NFIA: variants seen among roughly 807,000 people sequenced by gnomAD.
NFIA encodes the protein nuclear factor I A, also known as nuclear factor 1 A-type.
In NFIA, 8 loss-of-function variants were observed where a neutral mutation model predicts 62.8. That is an observed-to-expected ratio of 0.13 (90% CI 0.07 to 0.23). The LOEUF (loss-of-function observed/expected upper bound fraction) is 0.23, where lower values mean the gene tolerates loss of function less well. Ranked by LOEUF, NFIA falls within the 10% of genes least tolerant of loss-of-function variation. The pLI is 1.00. For missense variants in NFIA, 410 were observed against 642.1 expected (o/e 0.64, Z 3.91); for synonymous variants, 235 against 238.1 (o/e 0.99, Z 0.12).
At chr1:61,125,501 A>G (rs552220080) in intron 2 of NFIA, among the ~76,000 whole-genome samples, 1 of 152,344 alleles carries the variant, frequency 6.6e-6, no homozygotes, top group South Asian at 2.1e-4. Flanking sequence ...AGACCAAATG[A>G]CTTGGCAGCC....
At chr1:61,100,122 T>C (rs574351190) in intron 2 of NFIA, among the ~76,000 whole-genome samples, 1 of 152,370 alleles carries the variant, frequency 6.6e-6, no homozygotes, top group South Asian at 2.1e-4. Context: ...AGTGAGAAAC[T>C]AGAGCTTTTT....
intron 2 of NFIA, among the ~76,000 whole-genome samples, chr1:61,101,570 CAG>C (rs1204113056): frequency 6.6e-6 from 1 of 151,934 alleles, no homozygotes; most frequent in African/African-American, 2.4e-5. Context: ...GAGTAGAAAA[CAG>C]AAAGGAAGCG....
chr1:61,391,044 ATTTG>A (rs112725651), intron 7 of NFIA, among the ~76,000 whole-genome samples: 41,210 of 150,874 alleles, frequency 0.27, 5,616 homozygotes, highest in East Asian at 0.35. Context: ...TTGTTTGTTT[ATTTG>A]TTTGTTTGTT....
intron 2 of NFIA, among the ~76,000 whole-genome samples, chr1:61,171,474 G>A (rs1487289360): frequency 6.6e-6 from 1 of 152,176 alleles, no homozygotes; most frequent in Non-Finnish European, 1.5e-5. Flanking sequence ...GTTGAGCCAA[G>A]TGATAATAAC....
chr1:61,106,937 CACAT>C (rs1034990943), intron 2 of NFIA, among the ~76,000 whole-genome samples: 2 of 150,878 alleles, frequency 1.3e-5, no homozygotes, highest in Admixed American at 1.3e-4. Flanking sequence ...CATATATACA[CACAT>C]ACATATACAT....
chr1:61,454,354 A>C lies in NFIA; in HGVS notation c.1513-949A>C, dbSNP rs559787443. On this transcript the variant is annotated intron_variant, in intron 10 of 10. Transcript: ENST00000403491. Reference sequence around the variant, plus strand: ...ATTGCTCATTCTGTCTAGCTAACAGAAAAAGAAATGCCAGCAGATAAAGTG... The same window carrying C: ...ATTGCTCATTCTGTCTAGCTAACAGCAAAAGAAATGCCAGCAGATAAAGTG... Among the ~76,000 whole-genome samples the C allele has an allele frequency of 3.9e-5, 6 of 152,356 alleles. No homozygotes were observed. In the South Asian group the frequency reaches 1.2e-3, roughly 32 times the overall value.
At chr1:61,153,599 A>G (rs965878726) in intron 2 of NFIA, among the ~76,000 whole-genome samples, 5 of 152,212 alleles carry the variant, frequency 3.3e-5, no homozygotes, top group Non-Finnish European at 7.3e-5. Flanking sequence ...TGTTTGTGCA[A>G]TGAGTTGGTT....
chr1:61,267,040 C>A (rs2100254008), intron 2 of NFIA, among the ~76,000 whole-genome samples: 1 of 152,274 alleles, frequency 6.6e-6, no homozygotes, highest in African/African-American at 2.4e-5. Context: ...AGAAGGGACT[C>A]AAACCCAGGT....
chr1:61,252,303 T>C (rs879825477), intron 2 of NFIA, among the ~76,000 whole-genome samples: 3 of 152,234 alleles, frequency 2.0e-5, no homozygotes, highest in Non-Finnish European at 2.9e-5. Context: ...CTAGCACTAT[T>C]GTTTTTACCA....
intron 10 of NFIA, among the ~76,000 whole-genome samples, chr1:61,437,159 A>G (rs949226806): frequency 1.3e-5 from 2 of 152,178 alleles, no homozygotes; most frequent in Admixed American, 1.3e-4. Flanking sequence ...TATGCTGCAT[A>G]TCTCCTGTTG....
upstream of NFIA, among the ~76,000 whole-genome samples, chr1:61,078,566 G>C (rs1477360473): frequency 6.6e-6 from 1 of 152,180 alleles, no homozygotes; most frequent in Non-Finnish European, 1.5e-5. Context: ...GGCATTTCAA[G>C]TACTTTGAAA....
chr1:61,357,797 G>A (rs1663043424), intron 5 of NFIA, among the ~76,000 whole-genome samples: 1 of 152,064 alleles, frequency 6.6e-6, no homozygotes, highest in South Asian at 2.1e-4. Context: ...GAAAACTTCT[G>A]TCCCCTGAAA....
intron 2 of NFIA, among the ~76,000 whole-genome samples, chr1:61,106,013 A>T (rs1646591263): frequency 6.6e-6 from 1 of 151,634 alleles, no homozygotes; most frequent in African/African-American, 2.4e-5. Context: ...CTGTAACCAG[A>T]TATTGAATAT....
At chr1:61,135,949 C>T (rs985869558) in intron 2 of NFIA, among the ~76,000 whole-genome samples, 1 of 152,032 alleles carries the variant, frequency 6.6e-6, no homozygotes, top group Non-Finnish European at 1.5e-5. Flanking sequence ...GTAGCAAGGG[C>T]TATTGAAAAA....
chr1:61,305,597 G>A (rs537423052), intron 3 of NFIA, among the ~76,000 whole-genome samples: 17 of 152,274 alleles, frequency 1.1e-4, no homozygotes, highest in African/African-American at 4.1e-4. Context: ...CATTTTATAA[G>A]CCCCCATGTA....
intron 9 of NFIA, among the ~76,000 whole-genome samples, chr1:61,416,569 G>A (rs913597126): frequency 1.3e-5 from 2 of 151,978 alleles, no homozygotes; most frequent in Non-Finnish European, 2.9e-5. Flanking sequence ...AAATGTACTT[G>A]TACTATCTTA....
chr1:61,129,564 C>T (rs1647038067), intron 2 of NFIA, among the ~76,000 whole-genome samples: 1 of 151,112 alleles, frequency 6.6e-6, no homozygotes, highest in Non-Finnish European at 1.5e-5. Context: ...ATTCTCATGC[C>T]TCAGCCTCCC....
intron 3 of NFIA, among the ~76,000 whole-genome samples, chr1:61,289,944 T>TTC (rs957986137): frequency 1.3e-5 from 2 of 152,096 alleles, no homozygotes; most frequent in Non-Finnish European, 2.9e-5. Flanking sequence ...GTAGCTCGCC[T>TTC]TCTCTCTCAT....
At chr1:61,389,757 A>G (rs1348672966) in intron 7 of NFIA, among the ~76,000 whole-genome samples, 1 of 131,282 alleles carries the variant, frequency 7.6e-6, no homozygotes, top group Non-Finnish European at 1.6e-5. Flanking sequence ...TTTTTTTTTT[A>G]ATAGCAGCCA....
Sources: allele counts gnomAD v4.1 joint callset (sites outside exome capture counted in the v4.1 genomes callset), GRCh38; gene constraint gnomAD v4.1.1; transcripts MANE v1.5; gene names NCBI Gene and HGNC (gene_info 2026-07-23, HGNC 2026-07-21).